RICTOR: variants seen among roughly 807,000 people sequenced by gnomAD.
RICTOR encodes the protein RPTOR independent companion of MTOR complex 2, also known as rapamycin-insensitive companion of mTOR.
Under a neutral mutation model 214.9 loss-of-function variants are expected in RICTOR, and 49 were observed. The ratio of observed to expected loss-of-function variants is 0.23; its 90% CI spans 0.18 to 0.29. The LOEUF (loss-of-function observed/expected upper bound fraction) is 0.29, where lower values mean the gene tolerates loss of function less well. Ranked by LOEUF, RICTOR falls within the 10% of genes least tolerant of loss-of-function variation. The probability of loss-of-function intolerance (pLI) is 1.00; values close to 1 mark genes in which losing one functional copy is unlikely to be tolerated. For missense variants in RICTOR, 1,625 were observed against 2,047.0 expected, an observed-to-expected ratio of 0.79 and a Z score of 3.98; for synonymous variants, 717 against 711.3, an observed-to-expected ratio of 1.01 and a Z score of -0.13.
chr5:38,993,451 T>C (rs1012706356), intron 6 of RICTOR, among the ~76,000 whole-genome samples: 10 of 151,076 alleles, frequency 6.6e-5, no homozygotes, highest in South Asian at 2.1e-4. Flanking sequence ...GCTGCCTGCA[T>C]TGGAAGGGGG....
intron 7 of RICTOR, among the ~76,000 whole-genome samples, chr5:38,984,420 T>C (rs1751989021): frequency 6.6e-6 from 1 of 152,188 alleles, no homozygotes; most frequent in African/African-American, 2.4e-5. Context: ...TCTTTTGGTA[T>C]TTCTTGAGTT....
chr5:38,944,445 C>T lies in RICTOR; in HGVS notation c.4913+1G>A, dbSNP rs2112802105. The T allele has an allele frequency of 6.3e-7, 1 of 1,597,620 alleles. No individual in the cohort carries two copies. The highest frequency in any genetic ancestry group is 8.5e-7 in the Non-Finnish European group (1 of 1,175,370). ...AATACTCATGCACATAGTTTACTCACGTTAAAAGCCCAGTCTCATGACATT... is the reference window on the plus strand; with the variant it reads ...AATACTCATGCACATAGTTTACTCATGTTAAAAGCCCAGTCTCATGACATT... On this transcript the variant is annotated splice_donor_variant, in intron 36 of 37. Transcript: ENST00000357387. LOFTEE classifies it high-confidence loss of function.
chr5:38,989,477 G>A (rs1358529161), intron 7 of RICTOR, among the ~76,000 whole-genome samples: 1 of 152,060 alleles, frequency 6.6e-6, no homozygotes, highest in Admixed American at 6.6e-5. Context: ...CAAAACCAAT[G>A]GCAACAAAAG....
At chr5:39,035,336 A>G (rs1318772941) in intron 2 of RICTOR, among the ~76,000 whole-genome samples, 1 of 152,186 alleles carries the variant, frequency 6.6e-6, no homozygotes, top group Non-Finnish European at 1.5e-5. Flanking sequence ...CACCATCATC[A>G]AAGACCTAAG....
Position 38,975,519 on chromosome 5 carries a change from C to G in RICTOR, c.889+18G>C, listed in dbSNP as rs1459690139. 1 of 1,575,336 alleles carries G rather than the reference C, an allele frequency of 6.3e-7. No individual in the cohort carries two copies. Reference sequence around the variant, plus strand: ...GTTTTTCTTCTTGGATGTTATAAAGCAATGTAGAGTAACCTACCTGCCCAT... The same window carrying G: ...GTTTTTCTTCTTGGATGTTATAAAGGAATGTAGAGTAACCTACCTGCCCAT... On this transcript the variant is annotated intron_variant, in intron 10 of 37. Transcript: ENST00000357387.
Position 38,947,318 on chromosome 5 carries a change from A to AC in RICTOR, c.4259dup (p.Ser1421PhefsTer3). Reference sequence around the variant, plus strand: ...GAGCAAGACCAATGTAATCATCTGAACCCCCATATGTGGCACTGGACACCA... The same window carrying AC: ...GAGCAAGACCAATGTAATCATCTGAACCCCCCATATGTGGCACTGGACACCA... On this transcript the variant is annotated frameshift_variant, in exon 32 of 38. Transcript: ENST00000357387. LOFTEE classifies it high-confidence loss of function. The AC allele has an allele frequency of 6.2e-7, 1 of 1,612,958 alleles. No individual in the cohort carries two copies. Among genetic ancestry groups the AC allele is most frequent in the Non-Finnish European group, 8.5e-7 (1 of 1,179,202 alleles).
intron 36 of RICTOR, 140 bp from the exon 37 acceptor site, chr5:38,943,111 T>A: frequency 1.9e-6 from 1 of 513,954 alleles, no homozygotes; most frequent in Non-Finnish European, 3.4e-6. Context: ...CTTGAGAATA[T>A]AAAATATTAA....
Position 38,984,557 on chromosome 5 carries a change from A to G in RICTOR, c.584-2521T>C, listed in dbSNP as rs538083801. On this transcript the variant is annotated intron_variant, in intron 7 of 37. Coordinates refer to ENST00000357387, the MANE Select transcript of RICTOR (RefSeq NM_152756.5). ...CTGGTGCACAGTCAAGTTTTACTACATATTTTTTAAATTTCCCTAATCACA... is the reference window on the plus strand; with the variant it reads ...CTGGTGCACAGTCAAGTTTTACTACGTATTTTTTAAATTTCCCTAATCACA... Among the ~76,000 whole-genome samples the G allele has an allele frequency of 3.3e-5, 5 of 152,316 alleles. No individual in the cohort carries two copies. In the South Asian group the frequency reaches 8.3e-4, roughly 25 times the overall value.
intron 15 of RICTOR, 27 bp from the exon 16 acceptor site, chr5:38,964,919 G>A (rs189659800): frequency 9.0e-5 from 124 of 1,376,078 alleles, no homozygotes; most frequent in Non-Finnish European, 6.1e-5. Context: ...CATTTTACAT[G>A]AGTTTTCAGA....
chr5:39,038,178 T>A (rs1413783375), intron 2 of RICTOR, among the ~76,000 whole-genome samples: 1 of 152,162 alleles, frequency 6.6e-6, no homozygotes, highest in African/African-American at 2.4e-5. Flanking sequence ...TGCAAATCAA[T>A]AAACGTAATC....
At chr5:38,998,108 T>C (rs1452912313) in intron 5 of RICTOR, among the ~76,000 whole-genome samples, 1 of 152,222 alleles carries the variant, frequency 6.6e-6, no homozygotes, top group Non-Finnish European at 1.5e-5. Context: ...ATCTACACTC[T>C]GAGATCCTAA....
intron 2 of RICTOR, among the ~76,000 whole-genome samples, chr5:39,065,245 G>C (rs1005858843): frequency 6.6e-6 from 1 of 152,076 alleles, no homozygotes; most frequent in Non-Finnish European, 1.5e-5. Flanking sequence ...ATGGCAGAGC[G>C]GGAGCAAGAG....
At chr5:38,995,126 C>A (rs1283205390) in intron 6 of RICTOR, among the ~76,000 whole-genome samples, 1 of 152,146 alleles carries the variant, frequency 6.6e-6, no homozygotes, top group Non-Finnish European at 1.5e-5. Context: ...TAGCCCTCTT[C>A]TCATTAATTT....
intron 15 of RICTOR, 49 bp downstream of exon 15, chr5:38,966,591 AT>A: frequency 1.1e-6 from 1 of 875,744 alleles, no homozygotes; most frequent in Non-Finnish European, 1.9e-6. Flanking sequence ...TGTTTTATAA[AT>A]TCAAACATTA....
intron 2 of RICTOR, among the ~76,000 whole-genome samples, chr5:39,064,654 G>C (rs1053995959): frequency 5.3e-5 from 8 of 152,132 alleles, no homozygotes; most frequent in Admixed American, 2.6e-4. Context: ...GGAGCGGGAG[G>C]AGGCAGCAAG....
At chr5:38,987,911 G>T (rs899939682) in intron 7 of RICTOR, among the ~76,000 whole-genome samples, 7 of 152,032 alleles carry the variant, frequency 4.6e-5, no homozygotes, top group Non-Finnish European at 8.8e-5. Context: ...CTGTGTTTTT[G>T]TTCCCATTGG....
intron 6 of RICTOR, among the ~76,000 whole-genome samples, chr5:38,994,644 A>G (rs1457585918): frequency 1.3e-5 from 2 of 152,128 alleles, no homozygotes; most frequent in African/African-American, 4.8e-5. Flanking sequence ...TAGGATTCAC[A>G]AATGGTATGT....
At chr5:39,031,026 T>C (rs905989076) in intron 2 of RICTOR, among the ~76,000 whole-genome samples, 2 of 152,172 alleles carry the variant, frequency 1.3e-5, no homozygotes, top group African/African-American at 4.8e-5. Flanking sequence ...AAAGCTTTAG[T>C]TCCTGTCATT....
intron 8 of RICTOR, among the ~76,000 whole-genome samples, chr5:38,980,224 T>C (rs1011207705): frequency 6.6e-6 from 1 of 152,152 alleles, no homozygotes; most frequent in Non-Finnish European, 1.5e-5. Context: ...CCTGCAAGCA[T>C]GTTTCTATGG....
Sources: allele counts gnomAD v4.1 joint callset (sites outside exome capture counted in the v4.1 genomes callset), GRCh38; gene constraint gnomAD v4.1.1; transcripts MANE v1.5; gene names NCBI Gene and HGNC (gene_info 2026-07-23, HGNC 2026-07-21).